The following WWOX variants were observed in gnomAD, a reference collection of about 807,000 sequenced individuals.
The protein encoded by WWOX is WW domain-containing oxidoreductase.
Under a neutral mutation model 46.2 loss-of-function variants are expected in WWOX, and 69 were observed. That is an observed-to-expected ratio of 1.49 (90% CI 1.23 to 1.82). The LOEUF is 1.82. WWOX is among the 40% of genes most tolerant of loss of function. The pLI is 0.00. For missense variants in WWOX, 919 were observed against 542.6 expected, an observed-to-expected ratio of 1.69 and a Z score of -6.89; for synonymous variants, 359 against 202.6, an observed-to-expected ratio of 1.77 and a Z score of -6.56.
chr16:78,404,005 A>T (rs1014770343), intron 6 of WWOX, among the ~76,000 whole-genome samples: 1 of 152,204 alleles, frequency 6.6e-6, no homozygotes, highest in African/African-American at 2.4e-5. Context: ...AAAACTGAAA[A>T]TCAGAAGAGC....
chr16:78,804,949 C>G (rs935682694), intron 8 of WWOX, among the ~76,000 whole-genome samples: 2 of 152,220 alleles, frequency 1.3e-5, no homozygotes, highest in African/African-American at 4.8e-5. Flanking sequence ...AATATTGCTA[C>G]CAATGTCTAT....
chr16:78,740,422 T>G (rs1480206122), intron 8 of WWOX, among the ~76,000 whole-genome samples: 1 of 152,148 alleles, frequency 6.6e-6, no homozygotes. Flanking sequence ...GTCCTTTGGC[T>G]TGGACCTTTG....
At chr16:78,312,801 G>C (rs2080274996) in intron 5 of WWOX, among the ~76,000 whole-genome samples, 1 of 152,208 alleles carries the variant, frequency 6.6e-6, no homozygotes, top group African/African-American at 2.4e-5. Flanking sequence ...CTTAGGTCCA[G>C]TCTTGTGACT....
intron 8 of WWOX, among the ~76,000 whole-genome samples, chr16:78,508,514 G>A (rs367981972): frequency 3.9e-5 from 6 of 152,056 alleles, no homozygotes; most frequent in East Asian, 3.9e-4. Context: ...GGCCAGCCTG[G>A]CCTTGATGTC....
At chr16:78,256,887 C>T (rs78886201) in intron 5 of WWOX, among the ~76,000 whole-genome samples, 1 of 151,996 alleles carries the variant, frequency 6.6e-6, no homozygotes, top group Non-Finnish European at 1.5e-5. Flanking sequence ...CTGAGTTGTT[C>T]AGTGTACAGA....
chr16:78,523,185 G>A (rs1325406864), intron 8 of WWOX, among the ~76,000 whole-genome samples: 3 of 152,182 alleles, frequency 2.0e-5, no homozygotes, highest in East Asian at 3.9e-4. Context: ...AAAGGTGGTG[G>A]CAGTAATAGT....
chr16:78,579,827 C>G (rs1327483792), intron 8 of WWOX, among the ~76,000 whole-genome samples: 1 of 152,056 alleles, frequency 6.6e-6, no homozygotes, highest in Non-Finnish European at 1.5e-5. Flanking sequence ...CATGATGGTG[C>G]TTGGGAAATG....
At chr16:79,081,082 A>T (rs930249458) in intron 8 of WWOX, among the ~76,000 whole-genome samples, 2 of 152,148 alleles carry the variant, frequency 1.3e-5, no homozygotes, top group African/African-American at 4.8e-5. Context: ...GTTTTTTGGT[A>T]TAGCTGCCAG....
At chr16:78,365,518 A>C (rs1350468406) in intron 5 of WWOX, among the ~76,000 whole-genome samples, 1 of 152,176 alleles carries the variant, frequency 6.6e-6, no homozygotes. Flanking sequence ...TGACAAAAAG[A>C]TTCAGATTCC....
At chr16:78,291,209 T>C (rs2079851980) in intron 5 of WWOX, among the ~76,000 whole-genome samples, 1 of 152,212 alleles carries the variant, frequency 6.6e-6, no homozygotes, top group Non-Finnish European at 1.5e-5. Context: ...GAAATATTCA[T>C]AAAATAGCAG....
intron 7 of WWOX, among the ~76,000 whole-genome samples, chr16:78,429,050 C>T (rs1163359104): frequency 2.0e-5 from 3 of 152,090 alleles, no homozygotes; most frequent in Non-Finnish European, 2.9e-5. Flanking sequence ...AATTCCAAAC[C>T]CATGACCAAA....
At chr16:78,890,766 C>G (rs568772899) in intron 8 of WWOX, 1 of 152,292 alleles carries the variant, frequency 6.6e-6, no homozygotes, top group South Asian at 2.1e-4. Context: ...TATCTAAATG[C>G]CAGCCTTAGC....
intron 5 of WWOX, among the ~76,000 whole-genome samples, chr16:78,244,865 A>T (rs28614787): frequency 0.026 from 3,897 of 152,254 alleles, 155 homozygotes; most frequent in African/African-American, 0.088. Flanking sequence ...GCTATTTCTC[A>T]TACACAATAG....
At chr16:78,813,617 A>G (rs1037480734) in intron 8 of WWOX, among the ~76,000 whole-genome samples, 1 of 152,048 alleles carries the variant, frequency 6.6e-6, no homozygotes, top group Non-Finnish European at 1.5e-5. Context: ...GTGTGTGTTC[A>G]TCACGTATCC....
At chr16:78,114,948 TG>T in intron 3 of WWOX, 27 bp from the exon 4 acceptor site, 4 of 1,614,066 alleles carry the variant, frequency 2.5e-6, no homozygotes, top group Non-Finnish European at 3.4e-6. Flanking sequence ...TTCATTGCTG[TG>T]GGTTCACTGC....
intron 8 of WWOX, among the ~76,000 whole-genome samples, chr16:79,195,444 C>T (rs78416455): frequency 1.2e-4 from 18 of 152,064 alleles, no homozygotes; most frequent in South Asian, 2.1e-4. Flanking sequence ...GTAGGGAGCT[C>T]GCTTTGGCTG....
chr16:78,675,555 C>CG (rs979517282), intron 8 of WWOX, among the ~76,000 whole-genome samples: 1 of 152,236 alleles, frequency 6.6e-6, no homozygotes, highest in African/African-American at 2.4e-5. Flanking sequence ...AGAGCAAGCA[C>CG]GGGGGTTTAT....
chr16:79,178,957 A>C lies in WWOX; in HGVS notation c.1057-32651A>C, dbSNP rs548079768. Among the ~76,000 whole-genome samples, 6 of 152,344 alleles carry C rather than the reference A, an allele frequency of 3.9e-5. No individual in the cohort carries two copies. The South Asian group carries it at 1.0e-3, about 26-fold the overall frequency. On this transcript the variant is annotated intron_variant, in intron 8 of 8. Coordinates refer to ENST00000566780, the MANE Select transcript of WWOX (RefSeq NM_016373.4). ...TCCCATTGACTATGCAGGACCTTCT[A>C]GGGAAATGTGAGTTTATCATACTCC...
chr16:78,574,259 A>G (rs984840998), intron 8 of WWOX, among the ~76,000 whole-genome samples: 1 of 152,222 alleles, frequency 6.6e-6, no homozygotes, highest in African/African-American at 2.4e-5. Context: ...CATGGAAGCC[A>G]TGTATACCTC....
Sources: allele counts gnomAD v4.1 joint callset (sites outside exome capture counted in the v4.1 genomes callset), GRCh38; gene constraint gnomAD v4.1.1; transcripts MANE v1.5; gene names NCBI Gene and HGNC (gene_info 2026-07-23, HGNC 2026-07-21).